Variants in KCNH5 observed in about 807,000 individuals in gnomAD.
The protein encoded by KCNH5 is voltage-gated delayed rectifier potassium channel KCNH5.
A neutral mutation model predicts 96.1 loss-of-function variants in KCNH5; 46 were observed. The observed-to-expected ratio is 0.48, with a 90% CI of 0.38 to 0.61. The LOEUF (loss-of-function observed/expected upper bound fraction) is 0.61, where lower values mean the gene tolerates loss of function less well. Ranked by LOEUF, KCNH5 falls within the 20% of genes least tolerant of loss-of-function variation. KCNH5 has a pLI of 0.00. For missense variants in KCNH5, 907 were observed against 1,225.8 expected (o/e 0.74, Z 3.88); for synonymous variants, 439 against 449.8 (o/e 0.98, Z 0.30).
chr14:62,928,791 C>T (rs1328035950), intron 7 of KCNH5, among the ~76,000 whole-genome samples: 1 of 152,078 alleles, frequency 6.6e-6, no homozygotes, highest in African/African-American at 2.4e-5. Context: ...CTTCCTAACT[C>T]ACTTCATTCT....
intron 7 of KCNH5, among the ~76,000 whole-genome samples, chr14:62,865,213 T>G (rs1888110936): frequency 6.6e-6 from 1 of 152,070 alleles, no homozygotes; most frequent in South Asian, 2.1e-4. Context: ...TTTACAAGGC[T>G]TGTTGGGTTT....
intron 8 of KCNH5, among the ~76,000 whole-genome samples, chr14:62,814,200 C>T (rs556288768): frequency 5.9e-5 from 9 of 152,188 alleles, no homozygotes; most frequent in African/African-American, 1.9e-4. Flanking sequence ...TCAGAATCAT[C>T]GTGAACCAAT....
intron 1 of KCNH5, among the ~76,000 whole-genome samples, chr14:63,020,299 C>A (rs932862748): frequency 6.6e-6 from 1 of 151,996 alleles, no homozygotes; most frequent in Non-Finnish European, 1.5e-5. Flanking sequence ...AATTTCACTT[C>A]TAGGTATTTA....
chr14:62,854,019 C>A (rs59493479), intron 7 of KCNH5, among the ~76,000 whole-genome samples: 8,516 of 114,592 alleles, frequency 0.074, 447 homozygotes, highest in African/African-American at 0.13. Flanking sequence ...AAAAAAAAAA[C>A]AAAAAAAACA....
chr14:62,829,375 C>A (rs1887294566), intron 8 of KCNH5, among the ~76,000 whole-genome samples: 1 of 152,192 alleles, frequency 6.6e-6, no homozygotes, highest in Admixed American at 6.5e-5. Flanking sequence ...CAGAGGTTCT[C>A]CCTAAGGGCT....
At position 62,950,542 on chromosome 14, in the gene KCNH5, G is replaced by A. The variant is rs751951284; in HGVS notation, c.960C>T (p.Phe320=). ...AGAGACGCACCACTTTTAAAGAACT[G>A]AAGAGACTGCTGATTCCCTGGATTT... The part of the protein sequence containing the change: ...ENVDEGISSL[F]SSLKVVRLLR... The change falls in exon 7 of 11, where the codon TTC becomes TTT. Residue 320 remains phenylalanine (F), a synonymous_variant. Coordinates refer to ENST00000322893, the MANE Select transcript of KCNH5 (RefSeq NM_139318.5). The A allele has an allele frequency of 8.4e-6, 13 of 1,554,198 alleles. No individual in the cohort carries two copies. In the Admixed American group the frequency reaches 1.5e-4, roughly 18 times the overall value.
At chr14:62,718,208 G>A (rs1005278043) in intron 10 of KCNH5, among the ~76,000 whole-genome samples, 1 of 151,990 alleles carries the variant, frequency 6.6e-6, no homozygotes, top group Non-Finnish European at 1.5e-5. Context: ...CACTATTTGG[G>A]TGATGGGTTC....
intron 7 of KCNH5, among the ~76,000 whole-genome samples, chr14:62,872,038 G>A (rs968392644): frequency 6.6e-6 from 1 of 151,940 alleles, no homozygotes; most frequent in Admixed American, 6.6e-5. Context: ...CCCTTCAATG[G>A]GAATTTTCTA....
chr14:62,753,912 T>C (rs1885560215), intron 10 of KCNH5, among the ~76,000 whole-genome samples: 1 of 152,126 alleles, frequency 6.6e-6, no homozygotes, highest in Non-Finnish European at 1.5e-5. Flanking sequence ...GTACAAAACT[T>C]ACTAGTAATA....
chr14:62,999,457 C>A (rs1890970871), intron 4 of KCNH5, among the ~76,000 whole-genome samples: 1 of 151,830 alleles, frequency 6.6e-6, no homozygotes. Context: ...AGACTTGGAA[C>A]CAACCCAAAT....
chr14:62,848,743 G>A (rs572469131), intron 8 of KCNH5, among the ~76,000 whole-genome samples: 21 of 151,974 alleles, frequency 1.4e-4, no homozygotes, highest in South Asian at 8.3e-4. Flanking sequence ...AAGAAAAACC[G>A]TAAGTCAACC....
intron 7 of KCNH5, among the ~76,000 whole-genome samples, chr14:62,854,160 C>CTTAT (rs909671051): frequency 1.2e-4 from 18 of 152,066 alleles, no homozygotes; most frequent in Middle Eastern, 3.4e-3. Context: ...ACTTACATTA[C>CTTAT]TTATTTATTT....
At chr14:62,886,123 CA>C (rs1164593512) in intron 7 of KCNH5, among the ~76,000 whole-genome samples, 1 of 27,196 alleles carries the variant, frequency 3.7e-5, no homozygotes, top group South Asian at 2.2e-3. Context: ...CTGCAGAGGA[CA>C]CACACACACA....
intron 7 of KCNH5, among the ~76,000 whole-genome samples, chr14:62,943,910 G>A (rs1889837996): frequency 6.6e-6 from 1 of 152,166 alleles, no homozygotes; most frequent in Non-Finnish European, 1.5e-5. Flanking sequence ...GATTTCCCAT[G>A]TTGGGCAAAT....
intron 7 of KCNH5, among the ~76,000 whole-genome samples, chr14:62,921,520 T>C (rs1377044246): frequency 2.0e-5 from 3 of 152,106 alleles, no homozygotes; most frequent in Admixed American, 1.3e-4. Context: ...GATTTGGAGA[T>C]GACTTCAGCC....
chr14:62,950,504 C>A lies in KCNH5; in HGVS notation c.998G>T (p.Arg333Leu). ...GTAATGGTCCAGTTTCCTAGCCACA[C>A]GGCCCAGTCGTAAGAGACGCACCAC... ...LKVVRLLRLGRVARKLDHYLE... is the reference protein window; with the variant it reads ...LKVVRLLRLGLVARKLDHYLE... The change falls in exon 7 of 11, where the codon CGT becomes CTT. Residue 333 changes from arginine (R) to leucine (L), a missense_variant. By Grantham distance (102) the Arg-to-Leu change is moderately radical (BLOSUM62 -2). Transcript: ENST00000322893. 1.2e-6 allele frequency: 2 copies of A among 1,608,442 alleles called. No individual in the cohort carries two copies. Among genetic ancestry groups the A allele is most frequent in the Non-Finnish European group, 1.7e-6 (2 of 1,179,786 alleles).
chr14:63,016,869 A>G lies in KCNH5; in HGVS notation c.159T>C (p.Tyr53=). The stretch of plus-strand genomic sequence containing the variant: ...TTTTCTGCATGACGTCAGCTCGATG[A>G]TATCCAGAGAGTTTACAAAAACCGT... ...SNDGFCKLSG[Y]HRADVMQKSS... is the part of the protein sequence containing the mutation. The change falls in exon 2 of 11, where the codon TAT becomes TAC. Residue 53 remains tyrosine (Y), a synonymous_variant. Coordinates refer to ENST00000322893, the MANE Select transcript of KCNH5 (RefSeq NM_139318.5). The G allele has an allele frequency of 6.2e-7, 1 of 1,611,828 alleles. No homozygotes were observed. Among genetic ancestry groups the G allele is most frequent in the Non-Finnish European group, 8.5e-7 (1 of 1,178,562 alleles).
chr14:62,998,329 T>C (rs1455606034), intron 4 of KCNH5, among the ~76,000 whole-genome samples: 1 of 152,104 alleles, frequency 6.6e-6, no homozygotes, highest in African/African-American at 2.4e-5. Context: ...ATATTGGTAA[T>C]TTGTGTCTTT....
intron 10 of KCNH5, among the ~76,000 whole-genome samples, chr14:62,751,589 T>A (rs1472415633): frequency 6.6e-6 from 1 of 152,144 alleles, no homozygotes; most frequent in Non-Finnish European, 1.5e-5. Flanking sequence ...AAGGCATGAA[T>A]TTCTTATAAT....
Sources: allele counts gnomAD v4.1 joint callset (sites outside exome capture counted in the v4.1 genomes callset), GRCh38; gene constraint gnomAD v4.1.1; transcripts MANE v1.5; gene names NCBI Gene and HGNC (gene_info 2026-07-23, HGNC 2026-07-21).